FARP1: variants seen among roughly 807,000 people sequenced by gnomAD.
FARP1 encodes the protein FERM, ARH/RhoGEF and pleckstrin domain protein 1.
FARP1 carries 52 observed loss-of-function variants against 128.8 expected under a neutral mutation model. The observed-to-expected ratio is 0.40, with a 90% CI of 0.32 to 0.51. FARP1 has a LOEUF of 0.51. Among genes scored for constraint, FARP1 ranks in the 20% least tolerant of loss-of-function variants. FARP1 has a pLI of 0.45. For missense variants in FARP1, 1,333 were observed against 1,367.9 expected, an observed-to-expected ratio of 0.97 and a Z score of 0.40; for synonymous variants, 580 against 551.8, an observed-to-expected ratio of 1.05 and a Z score of -0.72.
intron 2 of FARP1, among the ~76,000 whole-genome samples, chr13:98,315,105 G>A (rs891300468): frequency 1.3e-5 from 2 of 152,154 alleles, no homozygotes; most frequent in African/African-American, 2.4e-5. Context: ...AATAACAATC[G>A]ACTGTGAGTT....
chr13:98,335,287 C>T (rs1887694344), intron 2 of FARP1, among the ~76,000 whole-genome samples: 1 of 152,206 alleles, frequency 6.6e-6, no homozygotes, highest in South Asian at 2.1e-4. Context: ...TTAATGGACC[C>T]ACAGGTCCAC....
chr13:98,146,407 T>C (rs1382177553), intron 1 of FARP1, among the ~76,000 whole-genome samples: 1 of 152,244 alleles, frequency 6.6e-6, no homozygotes. Flanking sequence ...TTTCTGTTTT[T>C]AGTAGAGACG....
chr13:98,247,432 G>T (rs1360392075), intron 2 of FARP1, among the ~76,000 whole-genome samples: 1 of 152,172 alleles, frequency 6.6e-6, no homozygotes, highest in African/African-American at 2.4e-5. Context: ...AAATGACCAG[G>T]CCGGGTCACT....
At chr13:98,234,201 G>A (rs939220720) in intron 2 of FARP1, 2 of 152,138 alleles carry the variant, frequency 1.3e-5, no homozygotes, top group Non-Finnish European at 2.9e-5. Context: ...TGTTACCCAG[G>A]GGCTTCCTCT....
intron 1 of FARP1, among the ~76,000 whole-genome samples, chr13:98,197,397 C>T (rs1459106403): frequency 4.0e-5 from 6 of 151,796 alleles, no homozygotes; most frequent in Middle Eastern, 3.4e-3. Context: ...ACCTGGGAGG[C>T]GGAGGTTGCA....
At chr13:98,382,388 G>A (rs1889917664) in intron 6 of FARP1, 1 of 152,142 alleles carries the variant, frequency 6.6e-6, no homozygotes, top group Admixed American at 6.5e-5. Context: ...GAAAAGACAA[G>A]CGACCCAGAA....
chr13:98,198,737 G>A (rs566172851), intron 1 of FARP1, among the ~76,000 whole-genome samples: 2 of 151,586 alleles, frequency 1.3e-5, no homozygotes, highest in South Asian at 4.2e-4. Flanking sequence ...GATTAGCTGG[G>A]CACGGTGGCA....
At chr13:98,372,773 A>C (rs541786517) in intron 5 of FARP1, among the ~76,000 whole-genome samples, 2 of 152,160 alleles carry the variant, frequency 1.3e-5, no homozygotes, top group East Asian at 3.9e-4. Flanking sequence ...CTCTCCTCAC[A>C]TGAGAGGTGG....
chr13:98,228,232 C>T (rs9584777), intron 2 of FARP1, among the ~76,000 whole-genome samples: 2,044 of 152,104 alleles, frequency 0.013, 40 homozygotes, highest in African/African-American at 0.046. Flanking sequence ...TGGTGGCGGG[C>T]GCCTGTAATC....
chr13:98,315,882 G>A (rs1370879563), intron 2 of FARP1, among the ~76,000 whole-genome samples: 3 of 152,136 alleles, frequency 2.0e-5, no homozygotes, highest in African/African-American at 7.2e-5. Context: ...AAATAAAATA[G>A]CTCCTAGAAC....
At chr13:98,270,541 G>A (rs566748356) in intron 2 of FARP1, among the ~76,000 whole-genome samples, 4 of 152,144 alleles carry the variant, frequency 2.6e-5, no homozygotes, top group Admixed American at 6.5e-5. Context: ...TCCTGAGGAC[G>A]CAGCTCCCTT....
At chr13:98,359,447 T>C (rs763139516) in intron 3 of FARP1, among the ~76,000 whole-genome samples, 9 of 151,890 alleles carry the variant, frequency 5.9e-5, no homozygotes, top group Non-Finnish European at 1.3e-4. Context: ...ACCAAAATAA[T>C]AGGGGGAAAA....
intron 2 of FARP1, among the ~76,000 whole-genome samples, chr13:98,275,475 A>T (rs1329526978): frequency 2.0e-5 from 3 of 151,740 alleles, no homozygotes; most frequent in Non-Finnish European, 4.4e-5. Context: ...TAAATATTTT[A>T]AAATATTTTA....
In FARP1 at chr13:98,446,193, C is replaced by T; in HGVS notation, c.2892C>T (p.Tyr964=). 2.5e-6 allele frequency: 4 copies of T among 1,610,852 alleles called. No individual in the cohort carries two copies. Among genetic ancestry groups the T allele is most frequent in the Non-Finnish European group, 8.5e-7 (1 of 1,177,130 alleles). ...TCACAAACTTCTGCCTGTTCTTCTA[C>T]AAATCACACCAGGTAAGTGTCTCGC... ...VVFTNFCLFF[Y]KSHQDNHPLA... Residue 964 remains tyrosine, a synonymous_variant, in exon 25 of 27, where the codon TAC becomes TAT. Coordinates refer to ENST00000319562, the MANE Select transcript of FARP1 (RefSeq NM_005766.4).
Position 98,411,889 on chromosome 13 carries a change from T to C in FARP1, c.1693-12T>C, listed in dbSNP as rs778045502. 7 of 1,613,244 alleles carry C rather than the reference T, an allele frequency of 4.3e-6. No individual in the cohort carries two copies. The South Asian group carries it at 7.7e-5, about 18-fold the overall frequency. The stretch of plus-strand genomic sequence containing the variant: ...CTTTCCACCCGTAAGTGCATCGTCT[T>C]CTTCTTTCCAGTGGTTTCAGAGCAC... On this transcript the variant is annotated splice_polypyrimidine_tract_variant and intron_variant, in intron 15 of 26. Coordinates refer to ENST00000319562, the MANE Select transcript of FARP1 (RefSeq NM_005766.4).
At chr13:98,256,944 TGTG>T (rs1883619673) in intron 2 of FARP1, among the ~76,000 whole-genome samples, 1 of 80,670 alleles carries the variant, frequency 1.2e-5, no homozygotes, top group Non-Finnish European at 2.3e-5. Context: ...AAAGTATATA[TGTG>T]GATATATATA....
At chr13:98,385,889 T>C (rs546937007) in intron 8 of FARP1, 75 bp downstream of exon 8, 3 of 1,488,836 alleles carry the variant, frequency 2.0e-6, no homozygotes, top group African/African-American at 2.8e-5. Flanking sequence ...CTCTGATTCA[T>C]ATTCAGTGGG....
chr13:98,341,329 G>A (rs775615438), intron 2 of FARP1, among the ~76,000 whole-genome samples: 1 of 151,968 alleles, frequency 6.6e-6, no homozygotes, highest in African/African-American at 2.4e-5. Flanking sequence ...GAAGAGGTGA[G>A]AAGTATAAAA....
chr13:98,154,035 A>C (rs1876321580), intron 1 of FARP1, among the ~76,000 whole-genome samples: 1 of 152,186 alleles, frequency 6.6e-6, no homozygotes, highest in African/African-American at 2.4e-5. Context: ...ATATAAATGG[A>C]ATCTTAGCAT....
Sources: gnomAD v4.1 joint callset for allele counts (sites outside exome capture counted in the v4.1 genomes callset) on GRCh38, gnomAD v4.1.1 for gene constraint, MANE v1.5 for transcripts, NCBI Gene and HGNC (gene_info 2026-07-23, HGNC 2026-07-21) for gene names.